OTOF: variants seen among roughly 807,000 people sequenced by gnomAD.
OTOF encodes otoferlin.
In OTOF, 218 loss-of-function variants were observed where a neutral mutation model predicts 236.8. The ratio of observed to expected loss-of-function variants is 0.92; its 90% CI spans 0.82 to 1.03. The LOEUF (loss-of-function observed/expected upper bound fraction) is 1.03, where lower values mean the gene tolerates loss of function less well. Among genes scored for constraint, OTOF ranks in the 50% least tolerant of loss-of-function variants. The pLI is 0.00. For missense variants in OTOF, 2,590 were observed against 2,694.4 expected, an observed-to-expected ratio of 0.96 and a Z score of 0.86; for synonymous variants, 1,041 against 1,072.5, an observed-to-expected ratio of 0.97 and a Z score of 0.57.
chr2:26,544,871 A>G (rs1008173959), intron 1 of OTOF, among the ~76,000 whole-genome samples: 1 of 145,990 alleles, frequency 6.8e-6, no homozygotes, highest in Non-Finnish European at 1.5e-5. Flanking sequence ...CCCTGTCTCT[A>G]CTAAAAATAC....
intron 9 of OTOF, among the ~76,000 whole-genome samples, chr2:26,491,948 C>G (rs1163649741): frequency 6.6e-6 from 1 of 152,220 alleles, no homozygotes; most frequent in Admixed American, 6.5e-5. Flanking sequence ...ATACCTAAGT[C>G]ATGTTGATTG....
intron 29 of OTOF, 51 bp from the exon 30 acceptor site, chr2:26,472,700 C>T: frequency 6.3e-7 from 1 of 1,599,754 alleles, no homozygotes. Context: ...GCAAGAGGAA[C>T]AGTGAGATTG....
intron 11 of OTOF, among the ~76,000 whole-genome samples, chr2:26,488,992 T>G (rs551773345): frequency 1.3e-5 from 2 of 152,288 alleles, no homozygotes; most frequent in South Asian, 4.1e-4. Context: ...TAATTATGAG[T>G]GAGAACCCAC....
intron 1 of OTOF, among the ~76,000 whole-genome samples, chr2:26,548,162 T>C (rs892717139): frequency 1.3e-5 from 2 of 152,242 alleles, no homozygotes; most frequent in Non-Finnish European, 2.9e-5. Context: ...TTTCTTGCTT[T>C]TTATTTTTGA....
chr2:26,516,631 G>C, intron 4 of OTOF, 32 bp from the exon 5 acceptor site: 1 of 1,598,298 alleles, frequency 6.3e-7, no homozygotes. Flanking sequence ...TGAGCAGCTG[G>C]GATGGTGACA....
At chr2:26,530,981 G>C (rs149356356) in intron 2 of OTOF, among the ~76,000 whole-genome samples, 19 of 152,308 alleles carry the variant, frequency 1.2e-4, no homozygotes, top group African/African-American at 4.3e-4. Flanking sequence ...GGCATGGGCT[G>C]TAAGAAGGAG....
rs1426195480 is a variant in OTOF at position 26,473,273 on chromosome 2, G to A, written c.3592C>T (p.Leu1198=). The change falls in exon 29 of 47, where the codon CTG becomes TTG. Residue 1198 remains leucine, a synonymous_variant. Transcript: ENST00000272371. The surrounding 1 kb of genome is among the most constrained non-coding windows in gnomAD (Gnocchi z 7.2). ...ACACGGATGTTCAAGGGCGGGTGCA[G>A]CAGCTCGTTCTCTGGGAGGTCCTGG... ...FEVDLPENEL[L]HPPLNIRVVD... The A allele has an allele frequency of 6.2e-7, 1 of 1,613,244 alleles. No homozygotes were observed. Among genetic ancestry groups the A allele is most frequent in the Non-Finnish European group, 8.5e-7 (1 of 1,179,896 alleles).
At chr2:26,534,281 T>G (rs1047293036) in intron 2 of OTOF, among the ~76,000 whole-genome samples, 1 of 152,202 alleles carries the variant, frequency 6.6e-6, no homozygotes, top group African/African-American at 2.4e-5. Context: ...GCCTCTCCCC[T>G]GGGGCCTGCT....
In OTOF at chr2:26,460,755, G is replaced by A. The variant is rs751827006; in HGVS notation, c.5713-8C>T. The A allele has an allele frequency of 1.2e-6, 2 of 1,613,966 alleles. No homozygotes were observed. Among genetic ancestry groups the A allele is most frequent in the South Asian group, 2.2e-5 (2 of 91,070 alleles). ...CTCAGCCTCCACCTTGCCCTGCAGA[G>A]GACAGACAGGTCCCAGCGTCCAGGC... On this transcript the variant is annotated splice_region_variant and splice_polypyrimidine_tract_variant and intron_variant, in intron 44 of 46. Coordinates refer to ENST00000272371, the MANE Select transcript of OTOF (RefSeq NM_194248.3). This position sits in a 1 kb window ranked among gnomAD's most constrained non-coding sequence, Gnocchi z 5.3.
chr2:26,463,543 A>T lies in OTOF; in HGVS notation c.5132T>A (p.Phe1711Tyr). The change falls in exon 41 of 47, where the codon TTC becomes TAC. Residue 1711 changes from phenylalanine (F) to tyrosine (Y), a missense_variant. Phe to Tyr is a conservative substitution (Grantham distance 22). This residue lies in a region of OTOF where 1,211 missense variants were observed against 1,352.8 expected (regional missense o/e 0.90). Coordinates refer to ENST00000272371, the MANE Select transcript of OTOF (RefSeq NM_194248.3). ...CCCAGGGGCTGGCATGTCCATGGGG[A>T]ACATGTCCACCCACAGCTCCAGGCG... ...QGRLELWVDM[F>Y]PMDMPAPGTP... The T allele has an allele frequency of 6.2e-7, 1 of 1,608,484 alleles. No individual in the cohort carries two copies. Among genetic ancestry groups the T allele is most frequent in the South Asian group, 1.1e-5 (1 of 89,528 alleles).
chr2:26,459,581 G>A (rs1572396994), intron 46 of OTOF, among the ~76,000 whole-genome samples: 1 of 151,478 alleles, frequency 6.6e-6, no homozygotes, highest in African/African-American at 2.4e-5. Context: ...AAAAAATTGG[G>A]TTACAGTCTG....
chr2:26,536,345 GT>G (rs1032515122), intron 2 of OTOF, among the ~76,000 whole-genome samples: 5 of 152,194 alleles, frequency 3.3e-5, no homozygotes, highest in Non-Finnish European at 5.9e-5. Context: ...GGGGGAGAAG[GT>G]AAGGACAGAA....
chr2:26,496,395 C>A (rs563354104), intron 8 of OTOF, among the ~76,000 whole-genome samples: 1 of 150,452 alleles, frequency 6.6e-6, no homozygotes, highest in African/African-American at 2.5e-5. Context: ...CCACCCCGCC[C>A]GGCTAATTTT....
intron 2 of OTOF, among the ~76,000 whole-genome samples, chr2:26,535,591 C>T (rs748514913): frequency 4.6e-5 from 7 of 152,180 alleles, no homozygotes; most frequent in South Asian, 2.1e-4. Flanking sequence ...CTCCCCATCG[C>T]GTGCCCTGCT....
intron 1 of OTOF, 40 bp downstream of exon 1, chr2:26,558,453 T>A: frequency 6.4e-7 from 1 of 1,570,984 alleles, no homozygotes; most frequent in Non-Finnish European, 8.8e-7. Context: ...CTGGTCCAGC[T>A]CTCAGAGCTG....
intron 9 of OTOF, among the ~76,000 whole-genome samples, chr2:26,494,657 G>C (rs1310572002): frequency 6.3e-5 from 3 of 47,938 alleles, no homozygotes; most frequent in South Asian, 7.3e-4. Context: ...GGAGTGGGGT[G>C]GGGGGGGGTT....
intron 32 of OTOF, among the ~76,000 whole-genome samples, chr2:26,468,881 A>G (rs1472339164): frequency 6.8e-6 from 1 of 147,410 alleles, no homozygotes; most frequent in Admixed American, 6.7e-5. Context: ...GGAGGGGAAC[A>G]TCACACACCG....
chr2:26,504,295 C>G lies in OTOF; in HGVS notation c.510-450G>C, dbSNP rs138632697. Among the ~76,000 whole-genome samples, 1,048 of 152,316 alleles carry G rather than the reference C, an allele frequency of 6.9e-3. 6 individuals carry two copies. Among genetic ancestry groups the G allele is most frequent in the Non-Finnish European group, 0.011 (738 of 68,022 alleles). On this transcript the variant is annotated intron_variant, in intron 5 of 46. Coordinates refer to ENST00000272371, the MANE Select transcript of OTOF (RefSeq NM_194248.3). The stretch of plus-strand genomic sequence containing the variant: ...AGCCCGAGGACTGGAGACAGAGCAT[C>G]AGAACGGCGGGGCAGGGACCAGAGA...
At chr2:26,502,264 G>A (rs759504794) in intron 7 of OTOF, 36 bp downstream of exon 7, 34 of 1,612,700 alleles carry the variant, frequency 2.1e-5, no homozygotes, top group Non-Finnish European at 2.9e-5. Flanking sequence ...TGACAGGGTG[G>A]GGGCAGCTGG....
Sources: gnomAD v4.1 joint callset for allele counts (sites outside exome capture counted in the v4.1 genomes callset) on GRCh38, gnomAD v4.1.1 for gene constraint, gnomAD v4.1.1 regional missense constraint, Gnocchi (gnomAD v3.1) non-coding constraint, MANE v1.5 for transcripts, NCBI Gene and HGNC (gene_info 2026-07-23, HGNC 2026-07-21) for gene names.